Variants in KIAA1549L observed in about 807,000 individuals in gnomAD.
KIAA1549L encodes KIAA1549 like, also known as UPF0606 protein KIAA1549L.
A neutral mutation model predicts 160.7 loss-of-function variants in KIAA1549L; 88 were observed. The ratio of observed to expected loss-of-function variants is 0.55; its 90% CI spans 0.46 to 0.65. KIAA1549L has a LOEUF of 0.65. Among genes scored for constraint, KIAA1549L ranks in the 30% least tolerant of loss-of-function variants. The probability of loss-of-function intolerance (pLI) is 0.00; values close to 1 mark genes in which losing one functional copy is unlikely to be tolerated. For missense variants in KIAA1549L, 2,258 were observed against 2,437.5 expected (o/e 0.93, Z 1.55); for synonymous variants, 950 against 976.7 (o/e 0.97, Z 0.51).
At chr11:33,465,613 T>C (rs1852041088) in intron 1 of KIAA1549L, among the ~76,000 whole-genome samples, 1 of 152,184 alleles carries the variant, frequency 6.6e-6, no homozygotes, top group African/African-American at 2.4e-5. Context: ...TAGGAACTGT[T>C]TATGCTTTTG....
At chr11:33,579,293 CCGT>C (rs1295774732) in intron 10 of KIAA1549L, among the ~76,000 whole-genome samples, 1 of 151,860 alleles carries the variant, frequency 6.6e-6, no homozygotes, top group Non-Finnish European at 1.5e-5. Flanking sequence ...CTGAATCTCT[CCGT>C]CGGTATTCCA....
rs1854455671 is a variant in KIAA1549L, at chr11:33,551,321, G to GAC, written c.3721+65_3721+66dup. The GAC allele has an allele frequency of 1.4e-5, 19 of 1,403,704 alleles. 1 individual carries two copies. In the South Asian group the frequency reaches 2.0e-4, roughly 15 times the overall value. The allele number at this position is 1,403,704 out of a possible 1,614,324, so 87.0% of individuals were successfully genotyped here. A position where few individuals can be genotyped will look rare whatever the true frequency, so the allele number is the denominator to read the frequency against. On this transcript the variant is annotated intron_variant, in intron 5 of 20. Transcript: ENST00000658780. ...TTGGGTTCAGGGCCAGTACCAAGTG[G>GAC]ACACCTGTTTAAAAGCTCCATTGCT...
intron 1 of KIAA1549L, among the ~76,000 whole-genome samples, chr11:33,432,208 C>A (rs1235655521): frequency 1.3e-5 from 2 of 152,200 alleles, no homozygotes; most frequent in East Asian, 1.9e-4. Flanking sequence ...CAGCGGTGGG[C>A]TGAAGTGCTC....
At chr11:33,435,769 T>TAC (rs1851341929) in intron 1 of KIAA1549L, among the ~76,000 whole-genome samples, 2 of 7,284 alleles carry the variant, frequency 2.7e-4, no homozygotes, top group African/African-American at 1.5e-3. Flanking sequence ...GATATATATA[T>TAC]ATATATATAT....
chr11:33,563,985 C>T (rs1478972100), intron 8 of KIAA1549L, among the ~76,000 whole-genome samples: 1 of 152,126 alleles, frequency 6.6e-6, no homozygotes, highest in East Asian at 1.9e-4. Context: ...CATTCCAGGT[C>T]TTTTTTTCAG....
At chr11:33,553,592 T>A (rs1195716836) in intron 6 of KIAA1549L, among the ~76,000 whole-genome samples, 1 of 152,176 alleles carries the variant, frequency 6.6e-6, no homozygotes, top group East Asian at 1.9e-4. Context: ...TCATTATGAT[T>A]TGGTTCATGT....
chr11:33,573,467 A>C (rs568537411), intron 9 of KIAA1549L, among the ~76,000 whole-genome samples: 1 of 152,264 alleles, frequency 6.6e-6, no homozygotes, highest in East Asian at 1.9e-4. Flanking sequence ...AGGCTTTTGT[A>C]TTCATCCATA....
At chr11:33,631,243 G>A (rs1394576739) in intron 16 of KIAA1549L, among the ~76,000 whole-genome samples, 1 of 152,204 alleles carries the variant, frequency 6.6e-6, no homozygotes, top group African/African-American at 2.4e-5. Context: ...GCACTTTTCT[G>A]CTCTGGCTGG....
At chr11:33,459,973 A>AAAAAAAAAAG (rs1298030800) in intron 1 of KIAA1549L, among the ~76,000 whole-genome samples, 5 of 149,322 alleles carry the variant, frequency 3.3e-5, no homozygotes, top group African/African-American at 1.2e-4. Flanking sequence ...AAAAAAAAAA[A>AAAAAAAAAAG]AAAAGAAATA....
intron 1 of KIAA1549L, among the ~76,000 whole-genome samples, chr11:33,387,452 C>T (rs1177104816): frequency 2.0e-5 from 3 of 152,040 alleles, no homozygotes; most frequent in East Asian, 3.9e-4. Context: ...ACTACAGGCA[C>T]GCACCACTGC....
chr11:33,466,340 T>G (rs1590266186), intron 1 of KIAA1549L, among the ~76,000 whole-genome samples: 1 of 152,264 alleles, frequency 6.6e-6, no homozygotes, highest in East Asian at 1.9e-4. Flanking sequence ...AAAAAGACAT[T>G]TATGCAGCCA....
intron 9 of KIAA1549L, among the ~76,000 whole-genome samples, chr11:33,568,894 T>C (rs1394324835): frequency 6.6e-6 from 1 of 152,230 alleles, no homozygotes; most frequent in Non-Finnish European, 1.5e-5. Flanking sequence ...TGGTTGGAAG[T>C]GCCTGAGAAT....
chr11:33,430,442 T>C (rs188739596), intron 1 of KIAA1549L, among the ~76,000 whole-genome samples: 9 of 152,186 alleles, frequency 5.9e-5, no homozygotes, highest in African/African-American at 2.2e-4. Context: ...AAACTGTACA[T>C]CCAAAAGGCC....
At chr11:33,585,544 AAG>A (rs1361314446) in intron 11 of KIAA1549L, among the ~76,000 whole-genome samples, 2 of 152,102 alleles carry the variant, frequency 1.3e-5, no homozygotes, top group African/African-American at 2.4e-5. Flanking sequence ...AAAAAATAAA[AAG>A]AGTGTGTATT....
In KIAA1549L at chr11:33,390,117, C is replaced by T. The variant is rs369958366; in HGVS notation, c.238+13228C>T. ...CCTATGAAGTAGGTTCTGCAATTAT[C>T]CCCATGTTTCAGAAGAGAGAACTGA... On this transcript the variant is annotated intron_variant, in intron 1 of 20. Transcript: ENST00000658780. 5.3e-5 allele frequency among the ~76,000 whole-genome samples: 8 copies of T among 152,230 alleles called. No homozygotes were observed. The East Asian group carries it at 7.7e-4, about 15-fold the overall frequency.
intron 8 of KIAA1549L, among the ~76,000 whole-genome samples, chr11:33,566,878 C>T (rs780688312): frequency 5.3e-5 from 8 of 152,176 alleles, no homozygotes; most frequent in Non-Finnish European, 1.0e-4. Context: ...AAAATCTTAT[C>T]TTCCCAGCCC....
chr11:33,575,585 A>C (rs1855418835), intron 10 of KIAA1549L, among the ~76,000 whole-genome samples: 1 of 152,228 alleles, frequency 6.6e-6, no homozygotes, highest in African/African-American at 2.4e-5. Flanking sequence ...CCTGCTCGGC[A>C]TCACAGAACA....
intron 1 of KIAA1549L, among the ~76,000 whole-genome samples, chr11:33,462,499 A>G (rs1398573860): frequency 6.6e-6 from 1 of 152,222 alleles, no homozygotes; most frequent in Non-Finnish European, 1.5e-5. Flanking sequence ...TTTCCCAAAT[A>G]ATGAGAATTA....
intron 1 of KIAA1549L, among the ~76,000 whole-genome samples, chr11:33,531,958 G>C (rs1853783938): frequency 6.6e-6 from 1 of 152,208 alleles, no homozygotes; most frequent in Admixed American, 6.5e-5. Context: ...GAATGAGGCA[G>C]CTCTGTGGGC....
Sources: gnomAD v4.1 joint callset for allele counts (sites outside exome capture counted in the v4.1 genomes callset) on GRCh38, gnomAD v4.1.1 for gene constraint, MANE v1.5 for transcripts, NCBI Gene and HGNC (gene_info 2026-07-23, HGNC 2026-07-21) for gene names.